Variants in SLC35D4 observed in about 807,000 individuals in gnomAD.
The protein encoded by SLC35D4 is solute carrier family 35 member D4, also known as UDP-N-acetylglucosamine transporter SLC35D4.
the SLC35D4 span, among the ~76,000 whole-genome samples, chr18:23,253,255 G>A: frequency 6.6e-6 from 1 of 152,194 alleles, no homozygotes. Flanking sequence ...GGCCGAAGTG[G>A]GCGGATCACC....
At chr18:23,263,959 C>G in the SLC35D4 span, among the ~76,000 whole-genome samples, 1 of 152,224 alleles carries the variant, frequency 6.6e-6, no homozygotes, top group Non-Finnish European at 1.5e-5. Flanking sequence ...CCAAAGGGTT[C>G]AGCAGAGCAG....
the SLC35D4 span, among the ~76,000 whole-genome samples, chr18:23,429,532 CCTGG>C: frequency 6.6e-6 from 1 of 152,262 alleles, no homozygotes; most frequent in Non-Finnish European, 1.5e-5. Flanking sequence ...TGCCATTATG[CCTGG>C]CTAATTTTTT....
chr18:23,346,497 C>T, the SLC35D4 span, among the ~76,000 whole-genome samples: 6 of 150,240 alleles, frequency 4.0e-5, no homozygotes, highest in African/African-American at 1.5e-4. Flanking sequence ...AATTTTATTT[C>T]TTCCTTTCCA....
chr18:23,378,274 C>T, the SLC35D4 span, among the ~76,000 whole-genome samples: 7 of 151,398 alleles, frequency 4.6e-5, no homozygotes, highest in Middle Eastern at 3.2e-3. Context: ...TGGCCTCAAG[C>T]GATTCTCCTG....
chr18:23,354,345 CAAAA>C, the SLC35D4 span, among the ~76,000 whole-genome samples: 6 of 99,124 alleles, frequency 6.1e-5, no homozygotes, highest in South Asian at 1.1e-3. Flanking sequence ...ACTAAAAATA[CAAAA>C]AAAAAAAAAA....
chr18:23,363,713 C>T, the SLC35D4 span, among the ~76,000 whole-genome samples: 1 of 152,132 alleles, frequency 6.6e-6, no homozygotes, highest in African/African-American at 2.4e-5. Flanking sequence ...ACTTAGTAGG[C>T]TCTTAAATGT....
the SLC35D4 span, chr18:23,356,796 C>T: frequency 1.5e-6 from 1 of 675,134 alleles, no homozygotes; most frequent in Non-Finnish European, 2.6e-6. This position sits in a 1 kb window ranked among gnomAD's most constrained non-coding sequence, Gnocchi z 4.1. Context: ...TGAATTCACT[C>T]CAGCATTCCC....
the SLC35D4 span, among the ~76,000 whole-genome samples, chr18:23,265,760 C>G: frequency 6.6e-6 from 1 of 151,996 alleles, no homozygotes; most frequent in East Asian, 1.9e-4. Flanking sequence ...AAAGAAATCT[C>G]TCTCCCCACT....
chr18:23,263,925 A>G, the SLC35D4 span, among the ~76,000 whole-genome samples: 1 of 152,244 alleles, frequency 6.6e-6, no homozygotes, highest in African/African-American at 2.4e-5. Context: ...AGGCACCTCC[A>G]TAGTCCTTAA....
chr18:23,367,798 C>G, the SLC35D4 span, among the ~76,000 whole-genome samples: 1 of 151,792 alleles, frequency 6.6e-6, no homozygotes, highest in Non-Finnish European at 1.5e-5. Flanking sequence ...CCCCTGTTGC[C>G]CAGGCTGGAG....
the SLC35D4 span, among the ~76,000 whole-genome samples, chr18:23,248,533 TTTTTTAA>T: frequency 7.3e-6 from 1 of 137,110 alleles, no homozygotes; most frequent in African/African-American, 2.7e-5. Context: ...TTTTTTTTTT[TTTTTTAA>T]AAAAAGGCTG....
chr18:23,309,613 A>G, the SLC35D4 span: 1 of 1,455,842 alleles, frequency 6.9e-7, no homozygotes, highest in African/African-American at 1.4e-5. Context: ...ATTTGAGAGC[A>G]AAATTTAGTA....
the SLC35D4 span, among the ~76,000 whole-genome samples, chr18:23,334,729 G>A: frequency 1.2e-4 from 19 of 152,132 alleles, no homozygotes; most frequent in Admixed American, 7.2e-4. Context: ...GGCCGGGCAC[G>A]GTGGCTCATG....
chr18:23,304,599 C>T, the SLC35D4 span, among the ~76,000 whole-genome samples: 3,725 of 151,724 alleles, frequency 0.025, 50 homozygotes, highest in Middle Eastern at 0.056. Context: ...TACACATATA[C>T]ATATCTCAGG....
At chr18:23,312,567 C>T in the SLC35D4 span, among the ~76,000 whole-genome samples, 493 of 152,208 alleles carry the variant, frequency 3.2e-3, 5 homozygotes, top group African/African-American at 0.011. Context: ...TTGTTTGCAC[C>T]GTGGGACAAC....
At chr18:23,345,920 T>G in the SLC35D4 span, among the ~76,000 whole-genome samples, 2 of 152,190 alleles carry the variant, frequency 1.3e-5, no homozygotes, top group Non-Finnish European at 2.9e-5. Flanking sequence ...GATGCTATTG[T>G]GAATGGAATT....
the SLC35D4 span, among the ~76,000 whole-genome samples, chr18:23,371,946 T>TG: frequency 3.7e-5 from 1 of 27,104 alleles, no homozygotes; most frequent in African/African-American, 1.0e-4. Context: ...TTTTTTTTTT[T>TG]TTTTTTTGAG....
chr18:23,284,772 C>T, the SLC35D4 span, among the ~76,000 whole-genome samples: 1 of 152,226 alleles, frequency 6.6e-6, no homozygotes, highest in Admixed American at 6.5e-5. Context: ...CAATCATACC[C>T]CTGGCTGGTG....
chr18:23,355,293 A>G, the SLC35D4 span, among the ~76,000 whole-genome samples: 2 of 152,214 alleles, frequency 1.3e-5, no homozygotes, highest in Non-Finnish European at 2.9e-5. Context: ...GTCACCCCAC[A>G]AAGCCAACAT....
Sources: allele counts gnomAD v4.1 joint callset (sites outside exome capture counted in the v4.1 genomes callset), GRCh38; gene constraint gnomAD v4.1.1; non-coding constraint Gnocchi (gnomAD v3.1); transcripts MANE v1.5; gene names NCBI Gene and HGNC (gene_info 2026-07-23, HGNC 2026-07-21).